The following SEC22B variants were observed in gnomAD, a reference collection of about 807,000 sequenced individuals.
SEC22B encodes SEC22 homolog B, vesicle trafficking protein, also known as vesicle-trafficking protein SEC22b.
SEC22B carries 10 observed loss-of-function variants against 31.4 expected under a neutral mutation model. The ratio of observed to expected loss-of-function variants is 0.32; its 90% confidence interval spans 0.20 to 0.54. SEC22B has a LOEUF of 0.54. Ranked by LOEUF, SEC22B falls within the 20% of genes least tolerant of loss-of-function variation. SEC22B has a pLI of 0.94. For missense variants in SEC22B, 130 were observed against 263.4 expected (o/e 0.49, Z 3.50); for synonymous variants, 60 against 95.9 (o/e 0.63, Z 2.19).
intron 3 of SEC22B, among the ~76,000 whole-genome samples, chr1:120,160,796 G>A (rs1330950339): frequency 1.3e-5 from 2 of 151,992 alleles, no homozygotes; most frequent in African/African-American, 4.8e-5. Flanking sequence ...GGCTGAGCCA[G>A]GAGAATCACT....
chr1:120,163,635 G>A (rs1362953069), intron 2 of SEC22B, among the ~76,000 whole-genome samples: 6 of 150,624 alleles, frequency 4.0e-5, no homozygotes, highest in African/African-American at 7.5e-5. Context: ...GAGTGCAGTG[G>A]CATTATCTCG....
In SEC22B at chr1:120,154,025, G is replaced by C. The variant is rs587700988; in HGVS notation, c.*3013C>G. The C allele has an allele frequency of 1.3e-5, 2 of 151,068 alleles. No individual in the cohort carries two copies. Among genetic ancestry groups the C allele is most frequent in the East Asian group, 1.9e-4 (1 of 5,156 alleles). 9.4% of individuals were successfully genotyped at this position (151,068 alleles called of 1,614,324 possible). On this transcript the variant is annotated 3_prime_UTR_variant, in exon 5 of 5. Coordinates refer to ENST00000578049, the MANE Select transcript of SEC22B (RefSeq NM_004892.6). Reference sequence around the variant, plus strand: ...ATTAAAACAAGCCATGAAGTTCAGCGTCACAATAACCAGAAAAGCACTTGT... The same window carrying C: ...ATTAAAACAAGCCATGAAGTTCAGCCTCACAATAACCAGAAAAGCACTTGT...
In SEC22B at chr1:120,176,449, G is replaced by T; in HGVS notation, c.-68C>A. ...TGGCGCCGTCCTCACTTCCTCCGCCGCGACAACAGTTATACCCTATGTCTC... is the reference window on the plus strand; with the variant it reads ...TGGCGCCGTCCTCACTTCCTCCGCCTCGACAACAGTTATACCCTATGTCTC... On this transcript the variant is annotated 5_prime_UTR_variant, in exon 1 of 5. Coordinates refer to ENST00000578049, the MANE Select transcript of SEC22B (RefSeq NM_004892.6). 7.2e-7 allele frequency: 1 copy of T among 1,390,686 alleles called. No individual in the cohort carries two copies. 86.1% of individuals were successfully genotyped at this position (1,390,686 alleles called of 1,614,324 possible).
Position 120,154,154 on chromosome 1 carries a change from T to C in SEC22B, c.*2884A>G, listed in dbSNP as rs1350563548. 6.6e-6 allele frequency: 1 copy of C among 152,096 alleles called. No homozygotes were observed. The highest frequency in any genetic ancestry group is 1.5e-5 in the Non-Finnish European group (1 of 67,966). The allele number at this position is 152,096 out of a possible 1,614,324, so 9.4% of individuals were successfully genotyped here. A position where few individuals can be genotyped will look rare whatever the true frequency, so the allele number is the denominator to read the frequency against. On this transcript the variant is annotated 3_prime_UTR_variant, in exon 5 of 5. Coordinates refer to ENST00000578049, the MANE Select transcript of SEC22B (RefSeq NM_004892.6). ...TGCTCTGGAATTACTTCTGCCTGTA[T>C]GATTAAGTTCCTCATTGTTAAATTC...
At chr1:120,168,374 T>G (rs1570869408) in intron 2 of SEC22B, among the ~76,000 whole-genome samples, 1 of 152,064 alleles carries the variant, frequency 6.6e-6, no homozygotes, top group African/African-American at 2.4e-5. Context: ...TAATAATAAC[T>G]AATAATTATT....
At chr1:120,161,181 T>C (rs1657710954) in intron 3 of SEC22B, among the ~76,000 whole-genome samples, 1 of 152,172 alleles carries the variant, frequency 6.6e-6, no homozygotes, top group Non-Finnish European at 1.5e-5. Flanking sequence ...CTGAGGACCC[T>C]TAGGCTAAGT....
At chr1:120,164,118 C>G (rs1249030353) in intron 2 of SEC22B, among the ~76,000 whole-genome samples, 3 of 148,822 alleles carry the variant, frequency 2.0e-5, no homozygotes, top group African/African-American at 5.0e-5. Flanking sequence ...CACCACCACA[C>G]CCAGCTAATT....
In SEC22B at chr1:120,163,306, C is replaced by T; in HGVS notation, c.250G>A (p.Ala84Thr). Residue 84 changes from alanine to threonine, a missense_variant, in exon 3 of 5, where the codon GCT becomes ACT. By Grantham distance (58) the Ala-to-Thr change is moderately conservative. Transcript: ENST00000578049. ...LCEAAFPKKL[A>T]FAYLEDLHSE... is the part of the protein sequence containing the mutation. ...TGCAAATCTTCTAGGTAGGCAAAAG[C>T]CAACTTCTTAGGGAAGGCAGCTTCA... 1.2e-6 allele frequency: 2 copies of T among 1,608,342 alleles called. No individual in the cohort carries two copies. The highest frequency in any genetic ancestry group is 1.7e-6 in the Non-Finnish European group (2 of 1,176,764).
chr1:120,160,742 A>G (rs1170194406), intron 3 of SEC22B, among the ~76,000 whole-genome samples: 2 of 152,044 alleles, frequency 1.3e-5, no homozygotes, highest in South Asian at 4.2e-4. Flanking sequence ...ATAAAAAGTT[A>G]GCCAGGCGTG....
rs1454185493 is a variant in SEC22B at position 120,170,029 on chromosome 1, G to C, written c.76-1080C>G. 2.0e-5 allele frequency among the ~76,000 whole-genome samples: 3 copies of C among 150,644 alleles called. No individual in the cohort carries two copies. The East Asian group carries it at 5.9e-4, about 30-fold the overall frequency. On this transcript the variant is annotated intron_variant, in intron 1 of 4. Transcript: ENST00000578049. The stretch of plus-strand genomic sequence containing the variant: ...GGCTAGCTTGCTCCATCCACCATGT[G>C]AGGAAACAGCCAGAAGGTGACATCT...
intron 4 of SEC22B, chr1:120,159,180 C>T (rs1168154904): frequency 6.6e-6 from 1 of 151,028 alleles, no homozygotes; most frequent in African/African-American, 2.4e-5. Flanking sequence ...GTAATCCCAG[C>T]ACTTTGGGAA....
At chr1:120,165,385 G>A (rs1477313703) in intron 2 of SEC22B, among the ~76,000 whole-genome samples, 1 of 152,198 alleles carries the variant, frequency 6.6e-6, no homozygotes, top group East Asian at 1.9e-4. Flanking sequence ...GATGATGAGC[G>A]CCCATGCACT....
intron 3 of SEC22B, among the ~76,000 whole-genome samples, chr1:120,160,767 T>C (rs1312174300): frequency 6.6e-6 from 1 of 152,040 alleles, no homozygotes; most frequent in Non-Finnish European, 1.5e-5. Flanking sequence ...CACACGCCTA[T>C]AATCCCAGCT....
Position 120,176,442 on chromosome 1 carries a change from C to T in SEC22B, c.-61G>A. 1 of 1,461,738 alleles carries T rather than the reference C, an allele frequency of 6.8e-7. No homozygotes were observed. Among genetic ancestry groups the T allele is most frequent in the South Asian group, 1.2e-5 (1 of 86,304 alleles). 90.5% of individuals were successfully genotyped at this position (1,461,738 alleles called of 1,614,324 possible). The stretch of plus-strand genomic sequence containing the variant: ...AGGCCCTTGGCGCCGTCCTCACTTC[C>T]TCCGCCGCGACAACAGTTATACCCT... On this transcript the variant is annotated 5_prime_UTR_variant, in exon 1 of 5. Transcript: ENST00000578049.
intron 3 of SEC22B, 100 bp from the exon 4 acceptor site, chr1:120,160,630 C>T (rs1657700112): frequency 3.1e-6 from 3 of 976,288 alleles, no homozygotes; most frequent in South Asian, 1.8e-5. Context: ...TGGCTCACAC[C>T]TGTAATCCCA....
chr1:120,175,765 G>A (rs1657949525), intron 1 of SEC22B, among the ~76,000 whole-genome samples: 1 of 152,160 alleles, frequency 6.6e-6, no homozygotes, highest in Non-Finnish European at 1.5e-5. Flanking sequence ...ATGTATTGCA[G>A]GAATGTGGTA....
At position 120,164,402 on chromosome 1, in the gene SEC22B, C is replaced by T. The variant is rs1435448112; in HGVS notation, c.186-1032G>A. ...CGTCACCCAAGTACTAAGCATACTA[C>T]CTAATAGTTTTTCAACCCCTGCCCC... On this transcript the variant is annotated intron_variant, in intron 2 of 4. Coordinates refer to ENST00000578049, the MANE Select transcript of SEC22B (RefSeq NM_004892.6). Among the ~76,000 whole-genome samples, 25 of 144,644 alleles carry T rather than the reference C, an allele frequency of 1.7e-4. No homozygotes were observed. In the East Asian group the frequency reaches 4.5e-3, roughly 26 times the overall value. 94.9% of individuals were successfully genotyped at this position (144,644 alleles called of 152,430 possible).
intron 1 of SEC22B, among the ~76,000 whole-genome samples, chr1:120,175,928 TGAA>T (rs1657953500): frequency 6.6e-6 from 1 of 152,168 alleles, no homozygotes. Context: ...GTTATAGACT[TGAA>T]GAACTTGGCT....
intron 2 of SEC22B, among the ~76,000 whole-genome samples, 155 bp from the exon 3 acceptor site, chr1:120,163,525 C>A (rs1361120750): frequency 7.5e-6 from 1 of 133,870 alleles, no homozygotes; most frequent in Non-Finnish European, 1.5e-5. Context: ...AACCGCAAAT[C>A]CTTGGAATCA....
Sources: allele counts gnomAD v4.1 joint callset (sites outside exome capture counted in the v4.1 genomes callset), GRCh38; gene constraint gnomAD v4.1.1; transcripts MANE v1.5; gene names NCBI Gene and HGNC (gene_info 2026-07-23, HGNC 2026-07-21).